The following PLXND1 variants were observed in gnomAD, a reference collection of about 807,000 sequenced individuals.
PLXND1 encodes plexin-D1.
A neutral mutation model predicts 197.7 loss-of-function variants in PLXND1; 54 were observed. That is an observed-to-expected ratio of 0.27 (90% CI 0.22 to 0.34). The LOEUF is 0.34. Ranked by LOEUF, PLXND1 falls within the 10% of genes least tolerant of loss-of-function variation. PLXND1 has a pLI of 1.00. For missense variants in PLXND1, 2,127 were observed against 2,699.2 expected (o/e 0.79, Z 4.70); for synonymous variants, 1,180 against 1,161.2 (o/e 1.02, Z -0.33).
chr3:129,563,212 A>G lies in PLXND1; in HGVS notation c.4550T>C (p.Leu1517Pro). 1.2e-6 allele frequency: 2 copies of G among 1,612,504 alleles called. No individual in the cohort carries two copies. Among genetic ancestry groups the G allele is most frequent in the Non-Finnish European group, 1.7e-6 (2 of 1,179,232 alleles). The change falls in exon 26 of 36, where the codon CTG (leucine) becomes CCG (proline). Residue 1517 changes from leucine (L) to proline (P), a missense_variant. Leu to Pro is a moderately conservative substitution (Grantham distance 98). This residue lies in a region of PLXND1 where 532 missense variants were observed against 811.0 expected (regional missense o/e 0.66). Coordinates refer to ENST00000324093, the MANE Select transcript of PLXND1 (RefSeq NM_015103.3). ...RETVGEPFFL[L>P]LCAIKQQINK... Reference sequence around the variant, plus strand: ...GATTTGCTGCTTGATGGCACACAGCAGCAGGAAGAATGGCTCCCCCACCGT... The same window carrying G: ...GATTTGCTGCTTGATGGCACACAGCGGCAGGAAGAATGGCTCCCCCACCGT...
chr3:129,556,462 CCGGTAGCCCTGCCTCAGT>C (rs1406279931), intron 35 of PLXND1, 34 bp from the exon 36 acceptor site: 1 of 1,549,886 alleles, frequency 6.5e-7, no homozygotes, highest in African/African-American at 1.4e-5. Context: ...CGGGCCATGG[CCGGTAGCCCTGCCTCAGT>C]TCGTGGGAGA....
intron 1 of PLXND1, among the ~76,000 whole-genome samples, chr3:129,595,210 C>A (rs2085602773): frequency 6.6e-6 from 1 of 152,246 alleles, no homozygotes; most frequent in African/African-American, 2.4e-5. Flanking sequence ...CTGTGACTCC[C>A]AGACCCCAGC....
In PLXND1 at chr3:129,565,465, G is replaced by A. The variant is rs752347429; in HGVS notation, c.4396C>T (p.Leu1466=). The A allele has an allele frequency of 6.2e-7, 1 of 1,613,596 alleles. No homozygotes were observed. The highest frequency in any genetic ancestry group is 1.1e-5 in the South Asian group (1 of 91,078). ...GAGGCGTCAATGAGGTCCACCAGCA[G>A]CTCCTTCATGATGCTGGTGTAGTAC... is the stretch of plus-strand genomic sequence containing the variant. ...LEYYTSIMKE[L]LVDLIDASAA... Residue 1466 remains leucine (L), a synonymous_variant, in exon 25 of 36, where the codon CTG becomes TTG. Transcript: ENST00000324093.
intron 2 of PLXND1, 41 bp downstream of exon 2, chr3:129,589,310 T>TGGCGCCCCCCCCCC: frequency 2.0e-6 from 1 of 501,294 alleles, no homozygotes. Flanking sequence ...CAGGGGAGCC[T>TGGCGCCCCCCCCCC]CCCACCCCCA....
intron 8 of PLXND1, 127 bp downstream of exon 8, chr3:129,583,440 C>T (rs2085413041): frequency 3.2e-6 from 2 of 634,826 alleles, no homozygotes; most frequent in African/African-American, 1.8e-5. Flanking sequence ...TGTGATGAGC[C>T]CCATATAGCT....
intron 17 of PLXND1, 84 bp from the exon 18 acceptor site, chr3:129,571,387 G>A: frequency 1.3e-6 from 2 of 1,546,472 alleles, no homozygotes; most frequent in Non-Finnish European, 1.8e-6. Context: ...GGGGTTTGAG[G>A]AGACACAGAG....
intron 29 of PLXND1, 104 bp from the exon 30 acceptor site, chr3:129,560,827 G>A (rs1310374367): frequency 1.3e-6 from 1 of 774,928 alleles, no homozygotes; most frequent in Non-Finnish European, 2.3e-6. Flanking sequence ...ACAGAAAGAT[G>A]GGGAGAGAAA....
At position 129,558,678 on chromosome 3, in the gene PLXND1, G is replaced by T; in HGVS notation, c.5298-103C>A. 2.6e-6 allele frequency: 3 copies of T among 1,153,686 alleles called. No individual in the cohort carries two copies. Among genetic ancestry groups the T allele is most frequent in the South Asian group, 2.8e-5 (2 of 70,870 alleles). The allele number at this position is 1,153,686 out of a possible 1,614,324, so 71.5% of individuals were successfully genotyped here. A position where few individuals can be genotyped will look rare whatever the true frequency, so the allele number is the denominator to read the frequency against. On this transcript the variant is annotated intron_variant, in intron 32 of 35. Coordinates refer to ENST00000324093, the MANE Select transcript of PLXND1 (RefSeq NM_015103.3). This position sits in a 1 kb window ranked among gnomAD's most constrained non-coding sequence, Gnocchi z 4.1. Reference sequence around the variant, plus strand: ...CTGGCTTTGTCCCTCAAGGGCCTGAGGTTGGAGCCTTGTCACAAGATGTGA... The same window carrying T: ...CTGGCTTTGTCCCTCAAGGGCCTGATGTTGGAGCCTTGTCACAAGATGTGA...
At position 129,572,875 on chromosome 3, in the gene PLXND1, C is replaced by G; in HGVS notation, c.2904G>C (p.Lys968Asn). The change falls in exon 14 of 36, where the codon AAG becomes AAC. Residue 968 changes from lysine to asparagine, a missense_variant. By Grantham distance (94) the Lys-to-Asn change is moderately conservative. Transcript: ENST00000324093. ...LSGVVTVNAS[K>N]EGKSRDRFSY... ...AGAAGCGGTCCCGGGACTTGCCCTC[C>G]TTAGAGGCGTTCACGGTCACCACAC... is the stretch of plus-strand genomic sequence containing the variant. 1 of 1,613,918 alleles carries G rather than the reference C, an allele frequency of 6.2e-7. No homozygotes were observed. The highest frequency in any genetic ancestry group is 8.5e-7 in the Non-Finnish European group (1 of 1,179,924).
At position 129,574,257 on chromosome 3, in the gene PLXND1, A is replaced by T; in HGVS notation, c.2685+79T>A. The stretch of plus-strand genomic sequence containing the variant: ...GGTGTATGTGCCGTTTGGGTCCCCA[A>T]GAAGTGGGACCCTCGAGGGCACTGC... On this transcript the variant is annotated intron_variant, in intron 12 of 35. Coordinates refer to ENST00000324093, the MANE Select transcript of PLXND1 (RefSeq NM_015103.3). 3 of 1,368,654 alleles carry T rather than the reference A, an allele frequency of 2.2e-6. No homozygotes were observed. In the South Asian group the frequency reaches 4.4e-5, roughly 20 times the overall value. The allele number at this position is 1,368,654 out of a possible 1,614,324, so 84.8% of individuals were successfully genotyped here. A position where few individuals can be genotyped will look rare whatever the true frequency, so the allele number is the denominator to read the frequency against.
Position 129,561,836 on chromosome 3 carries a change from G to A in PLXND1, c.4893C>T (p.Asp1631=), listed in dbSNP as rs762801388. 24 of 1,613,712 alleles carry A rather than the reference G, an allele frequency of 1.5e-5. No individual in the cohort carries two copies. The highest frequency in any genetic ancestry group is 5.5e-5 in the South Asian group (5 of 91,076). The part of the protein sequence containing the change: ...RDLDDTSVVE[D]GRKKLNTLAH... Reference sequence around the variant, plus strand: ...CCAGCGTGTTAAGCTTCTTGCGGCCGTCTTCCACCACTGAGGTGTCGTCCA... The same window carrying A: ...CCAGCGTGTTAAGCTTCTTGCGGCCATCTTCCACCACTGAGGTGTCGTCCA... The change falls in exon 28 of 36, where the codon GAC becomes GAT. Residue 1631 remains aspartate (D), a synonymous_variant. Transcript: ENST00000324093.
chr3:129,575,833 A>G lies in PLXND1; in HGVS notation c.2369T>C (p.Phe790Ser), dbSNP rs1342133016. ...AGCCTCGAAGATCTCCTCCAGCCCA[A>G]AACTACACTCCAGGGCTGCACCCTG... ...FFQGAALECS[F>S]GLEEIFEAVW... The change falls in exon 10 of 36, where the codon TTT (phenylalanine) becomes TCT (serine). Residue 790 changes from phenylalanine (F) to serine (S), a missense_variant. Phe to Ser is a radical substitution (Grantham distance 155, BLOSUM62 -2). Transcript: ENST00000324093. The G allele has an allele frequency of 6.2e-7, 1 of 1,612,436 alleles. No individual in the cohort carries two copies. The highest frequency in any genetic ancestry group is 1.3e-5 in the African/African-American group (1 of 74,804).
intron 8 of PLXND1, 148 bp from the exon 9 acceptor site, chr3:129,578,581 C>T (rs894780149): frequency 1.7e-6 from 1 of 597,762 alleles, no homozygotes; most frequent in Non-Finnish European, 3.0e-6. Context: ...CCAGCCCCAC[C>T]CCGTGCCTCC....
chr3:129,560,623 C>A (rs1450060195), intron 30 of PLXND1, 66 bp downstream of exon 30: 4 of 1,260,674 alleles, frequency 3.2e-6, no homozygotes, highest in African/African-American at 3.0e-5. Context: ...AGGCCCAGGG[C>A]CACAGAAAGC....
intron 1 of PLXND1, among the ~76,000 whole-genome samples, chr3:129,592,005 C>G (rs2108797620): frequency 6.6e-6 from 1 of 152,358 alleles, no homozygotes; most frequent in Non-Finnish European, 1.5e-5. Flanking sequence ...CTCCTTCACC[C>G]CAGCCACACT....
chr3:129,587,877 C>G (rs1033083304), intron 2 of PLXND1, among the ~76,000 whole-genome samples: 1 of 152,278 alleles, frequency 6.6e-6, no homozygotes, highest in African/African-American at 2.4e-5. Flanking sequence ...ATTACCTTCT[C>G]CCCAGGCTTC....
chr3:129,562,094 G>A (rs566574026), intron 27 of PLXND1, among the ~76,000 whole-genome samples, 191 bp from the exon 28 acceptor site: 5 of 152,276 alleles, frequency 3.3e-5, no homozygotes, highest in African/African-American at 1.2e-4. Flanking sequence ...GGGAGAGTGT[G>A]AGGGTACAAA....
chr3:129,562,541 G>C (rs1182503151), intron 27 of PLXND1: 1 of 424,534 alleles, frequency 2.4e-6, no homozygotes, highest in Non-Finnish European at 4.2e-6. Flanking sequence ...CCCTACTCCA[G>C]CATCCCTCCT....
intron 5 of PLXND1, among the ~76,000 whole-genome samples, chr3:129,584,988 C>T (rs2085438994): frequency 6.6e-6 from 1 of 152,198 alleles, no homozygotes; most frequent in African/African-American, 2.4e-5. Context: ...CCGCTCCCCA[C>T]CCCTGTTCTG....
Sources: gnomAD v4.1 joint callset for allele counts (sites outside exome capture counted in the v4.1 genomes callset) on GRCh38, gnomAD v4.1.1 for gene constraint, gnomAD v4.1.1 regional missense constraint, Gnocchi (gnomAD v3.1) non-coding constraint, MANE v1.5 for transcripts, NCBI Gene and HGNC (gene_info 2026-07-23, HGNC 2026-07-21) for gene names.